Variants in UPK3A observed in about 807,000 individuals in gnomAD.
UPK3A encodes the protein uroplakin 3A.
UPK3A carries 32 observed loss-of-function variants against 27.6 expected under a neutral mutation model. That is an observed-to-expected ratio of 1.16 (90% confidence interval 0.87 to 1.55). The LOEUF (loss-of-function observed/expected upper bound fraction) is 1.55. Among genes scored for constraint, UPK3A ranks in the 40% most tolerant of loss-of-function variants. The probability of loss-of-function intolerance (pLI) is 0.00; values close to 1 mark genes in which losing one functional copy is unlikely to be tolerated. For synonymous variants in UPK3A, 171 were observed against 163.9 expected, an observed-to-expected ratio of 1.04 and a Z score of -0.33; for missense variants, 370 against 367.9, an observed-to-expected ratio of 1.01 and a Z score of -0.05.
At chr22:45,293,866 T>C (rs2084178271) in intron 5 of UPK3A, among the ~76,000 whole-genome samples, 1 of 151,316 alleles carries the variant, frequency 6.6e-6, no homozygotes, top group Non-Finnish European at 1.5e-5. Context: ...GAACCCAGAG[T>C]TGGGGGCCTA....
intron 2 of UPK3A, 62 bp downstream of exon 2, chr22:45,286,158 G>T: frequency 6.2e-7 from 1 of 1,604,958 alleles, no homozygotes; most frequent in Non-Finnish European, 8.5e-7. Context: ...GCAGGGAGGA[G>T]GGAAGGAGGC....
intron 5 of UPK3A, among the ~76,000 whole-genome samples, chr22:45,295,042 A>G (rs2084185956): frequency 1.3e-5 from 2 of 151,578 alleles, no homozygotes; most frequent in African/African-American, 4.8e-5. Flanking sequence ...ATTTTTTTGT[A>G]TTTTTAGTAG....
Position 45,295,712 on chromosome 22 carries a change from A to G in UPK3A, c.857A>G (p.Gln286Arg). 6.2e-7 allele frequency: 1 copy of G among 1,613,956 alleles called. No individual in the cohort carries two copies. Among genetic ancestry groups the G allele is most frequent in the Non-Finnish European group, 8.5e-7 (1 of 1,180,008 alleles). Reference protein sequence around the residue: ...DRAEVYSSKLQD With the variant: ...DRAEVYSSKLRD ...GCTGAGGTGTATTCCAGCAAGCTCC[A>G]AGACTGAGCCCAGCACCACCCCTGG... The change falls in exon 6 of 6, where the codon CAA (glutamine) becomes CGA (arginine). Residue 286 changes from glutamine to arginine, a missense_variant. Coordinates refer to ENST00000216211, the MANE Select transcript of UPK3A (RefSeq NM_006953.4).
Position 45,284,962 on chromosome 22 carries a change from G to A in UPK3A, c.-52G>A. 2 of 1,504,744 alleles carry A rather than the reference G, an allele frequency of 1.3e-6. No homozygotes were observed. Among genetic ancestry groups the A allele is most frequent in the South Asian group, 2.4e-5 (2 of 82,508 alleles). 93.2% of individuals were successfully genotyped at this position (1,504,744 alleles called of 1,614,324 possible). On this transcript the variant is annotated 5_prime_UTR_variant, in exon 1 of 6. Transcript: ENST00000216211. Reference sequence around the variant, plus strand: ...CCTGGCAGGGACAGGTCTGGTGCCCGCGCCTGCTCGCTGGACCGCCCGCCC... The same window carrying A: ...CCTGGCAGGGACAGGTCTGGTGCCCACGCCTGCTCGCTGGACCGCCCGCCC...
At chr22:45,290,471 CTATG>C (rs2084152670) in intron 4 of UPK3A, among the ~76,000 whole-genome samples, 8 of 152,094 alleles carry the variant, frequency 5.3e-5, no homozygotes, top group Admixed American at 5.2e-4. Context: ...TGTGGTATGT[CTATG>C]TGTGTGTGTT....
chr22:45,294,882 C>CT (rs533550582), intron 5 of UPK3A, among the ~76,000 whole-genome samples: 13,447 of 134,842 alleles, frequency 0.1, 909 homozygotes, highest in Non-Finnish European at 0.13. Flanking sequence ...CCCTACGCTC[C>CT]TTTTTTTTTT....
At position 45,287,119 on chromosome 22, in the gene UPK3A, G is replaced by A. The variant is rs549445178; in HGVS notation, c.209-53G>A. The A allele has an allele frequency of 5.0e-6, 8 of 1,611,292 alleles. No homozygotes were observed. The South Asian group carries it at 6.6e-5, about 13-fold the overall frequency. On this transcript the variant is annotated intron_variant, in intron 2 of 5. Transcript: ENST00000216211. ...AGGCATTTGATGAATAACTGAGTGA[G>A]TGTCGCTGAGCCGGAGTGGCCAGAA...
chr22:45,289,676 C>A (rs1459992882), intron 4 of UPK3A, among the ~76,000 whole-genome samples: 1 of 151,138 alleles, frequency 6.6e-6, no homozygotes, highest in African/African-American at 2.4e-5. Context: ...ATCGCTTGAA[C>A]TGGGGAGTCA....
Position 45,284,959 on chromosome 22 carries a change from C to G in UPK3A, c.-55C>G. On this transcript the variant is annotated 5_prime_UTR_variant, in exon 1 of 6. Coordinates refer to ENST00000216211, the MANE Select transcript of UPK3A (RefSeq NM_006953.4). ...TGCCCTGGCAGGGACAGGTCTGGTG[C>G]CCGCGCCTGCTCGCTGGACCGCCCG... 1 of 1,495,244 alleles carries G rather than the reference C, an allele frequency of 6.7e-7. No individual in the cohort carries two copies. Among genetic ancestry groups the G allele is most frequent in the African/African-American group, 1.4e-5 (1 of 70,724 alleles). 92.6% of individuals were successfully genotyped at this position (1,495,244 alleles called of 1,614,324 possible). A position where few individuals can be genotyped will look rare whatever the true frequency, so the allele number is the denominator to read the frequency against.
intron 4 of UPK3A, among the ~76,000 whole-genome samples, chr22:45,291,618 TGTGG>T (rs1347294806): frequency 6.8e-6 from 1 of 147,576 alleles, no homozygotes. Context: ...ACTGTGTGTG[TGTGG>T]GAGTTGGTAT....
intron 2 of UPK3A, 26 bp from the exon 3 acceptor site, chr22:45,287,146 C>T (rs1023487194): frequency 1.2e-6 from 2 of 1,613,422 alleles, no homozygotes; most frequent in Non-Finnish European, 1.7e-6. Flanking sequence ...TGGCCAGAAG[C>T]CTGACTCCCT....
At position 45,285,047 on chromosome 22, in the gene UPK3A, TGCCTG is replaced by T; in HGVS notation, c.35_39del (p.Cys12SerfsTer37). 6.5e-7 allele frequency: 1 copy of T among 1,536,264 alleles called. No homozygotes were observed. The highest frequency in any genetic ancestry group is 2.4e-5 in the East Asian group (1 of 41,074). On this transcript the variant is annotated frameshift_variant, in exon 1 of 6. Coordinates refer to ENST00000216211, the MANE Select transcript of UPK3A (RefSeq NM_006953.4). LOFTEE classifies it high-confidence loss of function. Reference sequence around the variant, plus strand: ...GCTCTGGGCCCTGCTGGCCCTCGGCTGCCTGCGGTTCGGCTCGGGTAGGCGGTGAA... The same window carrying T: ...GCTCTGGGCCCTGCTGGCCCTCGGCTCGGTTCGGCTCGGGTAGGCGGTGAA...
At chr22:45,291,975 T>C in intron 4 of UPK3A, among the ~76,000 whole-genome samples, 1 of 151,988 alleles carries the variant, frequency 6.6e-6, no homozygotes, top group East Asian at 1.9e-4. Context: ...TGTGTGAGAA[T>C]GGCAGTGTGT....
chr22:45,288,834 G>A (rs959523194), intron 3 of UPK3A, among the ~76,000 whole-genome samples: 1 of 152,206 alleles, frequency 6.6e-6, no homozygotes, highest in South Asian at 2.1e-4. Flanking sequence ...CATGGATGCA[G>A]GAGGTGGCAG....
chr22:45,293,444 G>T, intron 5 of UPK3A, 131 bp downstream of exon 5: 1 of 1,210,140 alleles, frequency 8.3e-7, no homozygotes, highest in South Asian at 1.2e-5. Context: ...CCTCTGCCCC[G>T]CGGGTGGGGT....
chr22:45,291,728 C>G (rs367895195), intron 4 of UPK3A, among the ~76,000 whole-genome samples: 9 of 107,974 alleles, frequency 8.3e-5, no homozygotes, highest in African/African-American at 3.4e-4. Flanking sequence ...AGTTGGTATG[C>G]GTGGTGTGTG....
chr22:45,287,423 G>C lies in UPK3A; in HGVS notation c.460G>C (p.Ala154Pro), dbSNP rs1057353. Residue 154 changes from alanine to proline, a missense_variant, in exon 3 of 6, where the codon GCA (alanine) becomes CCA (proline). Ala to Pro is a conservative substitution (Grantham distance 27). Coordinates refer to ENST00000216211, the MANE Select transcript of UPK3A (RefSeq NM_006953.4). ...TCCCAACTTCCAGGGCCTCTGTAACGCACCCCTGTCGGCAGCCACGGAGTA... is the reference window on the plus strand; with the variant it reads ...TCCCAACTTCCAGGGCCTCTGTAACCCACCCCTGTCGGCAGCCACGGAGTA... ...WDPNFQGLCN[A>P]PLSAATEYRF... 1,237,972 of 1,605,230 alleles carry C rather than the reference G, an allele frequency of 0.77. 478,033 individuals carry two copies. The highest frequency in any genetic ancestry group is 0.83 in the Admixed American group (48,319 of 58,156).
chr22:45,287,956 T>C (rs2673091), intron 3 of UPK3A, among the ~76,000 whole-genome samples: 117,590 of 152,074 alleles, frequency 0.77, 45,421 homozygotes, highest in Admixed American at 0.8. Flanking sequence ...TGAGCTGCCA[T>C]GCCTGGCCCA....
chr22:45,295,172 C>T (rs2084186669), intron 5 of UPK3A, among the ~76,000 whole-genome samples: 2 of 152,124 alleles, frequency 1.3e-5, no homozygotes, highest in South Asian at 4.2e-4. Flanking sequence ...CCAGCCCACA[C>T]ACCTTCTTTA....
Sources: allele counts gnomAD v4.1 joint callset (sites outside exome capture counted in the v4.1 genomes callset), GRCh38; gene constraint gnomAD v4.1.1; transcripts MANE v1.5; gene names NCBI Gene and HGNC (gene_info 2026-07-23, HGNC 2026-07-21).